Variants in CA10 observed in about 807,000 individuals in gnomAD.
The protein encoded by CA10 is carbonic anhydrase 10 (inactive).
In CA10, 14 loss-of-function variants were observed where a neutral mutation model predicts 44.2. The ratio of observed to expected loss-of-function variants is 0.32; its 90% confidence interval spans 0.21 to 0.50. The LOEUF is 0.50. Among genes scored for constraint, CA10 ranks in the 20% least tolerant of loss-of-function variants. The probability of loss-of-function intolerance (pLI) is 0.99; values close to 1 mark genes in which losing one functional copy is unlikely to be tolerated. For synonymous variants in CA10, 159 were observed against 141.6 expected (o/e 1.12, Z -0.87); for missense variants, 350 against 409.7 (o/e 0.85, Z 1.26).
At chr17:51,877,984 A>G in intron 3 of CA10, among the ~76,000 whole-genome samples, 1 of 151,736 alleles carries the variant, frequency 6.6e-6, no homozygotes, top group East Asian at 1.9e-4. Context: ...CTCTACTAAA[A>G]ATACAAAAAA....
intron 1 of CA10, among the ~76,000 whole-genome samples, chr17:52,092,405 A>C (rs1376267493): frequency 2.0e-5 from 3 of 152,206 alleles, no homozygotes; most frequent in African/African-American, 7.2e-5. Flanking sequence ...CTTACAGAAG[A>C]ATTTTGTCCA....
At chr17:51,892,430 A>G (rs1980898592) in intron 3 of CA10, among the ~76,000 whole-genome samples, 1 of 152,190 alleles carries the variant, frequency 6.6e-6, no homozygotes. Flanking sequence ...TAATAAAAGG[A>G]AATAATGAGA....
At chr17:51,864,798 G>T (rs1979471737) in intron 3 of CA10, among the ~76,000 whole-genome samples, 1 of 152,142 alleles carries the variant, frequency 6.6e-6, no homozygotes, top group Non-Finnish European at 1.5e-5. Flanking sequence ...TAAACAACAT[G>T]CAGGCTCACA....
At chr17:51,674,878 G>A (rs1161766463) in intron 4 of CA10, among the ~76,000 whole-genome samples, 1 of 152,152 alleles carries the variant, frequency 6.6e-6, no homozygotes, top group African/African-American at 2.4e-5. Context: ...TCCTTTGTGC[G>A]TGTATTGTGA....
chr17:51,949,756 C>T (rs999515979), intron 2 of CA10, among the ~76,000 whole-genome samples: 1 of 152,058 alleles, frequency 6.6e-6, no homozygotes, highest in African/African-American at 2.4e-5. Context: ...GGGTGATGTT[C>T]CATAGAGGAA....
chr17:52,157,837 G>C lies in CA10; in HGVS notation c.-51C>G, dbSNP rs763876734. ...CACTCGACGGGAAAACGGGGGGAAG[G>C]GGGGAGCCCGACACGGCACACACAC... On this transcript the variant is annotated 5_prime_UTR_variant, in exon 1 of 9. Transcript: ENST00000451037. The C allele has an allele frequency of 3.4e-6, 5 of 1,465,680 alleles. No homozygotes were observed. Among genetic ancestry groups the C allele is most frequent in the Non-Finnish European group, 4.8e-6 (5 of 1,044,636 alleles). 90.8% of individuals were successfully genotyped at this position (1,465,680 alleles called of 1,614,324 possible).
At chr17:51,954,290 C>T (rs901609694) in intron 2 of CA10, among the ~76,000 whole-genome samples, 1 of 152,130 alleles carries the variant, frequency 6.6e-6, no homozygotes, top group Non-Finnish European at 1.5e-5. Context: ...TTAAACTAAA[C>T]ATTAAAAAAG....
intron 1 of CA10, among the ~76,000 whole-genome samples, chr17:52,078,727 T>C (rs1345921956): frequency 6.6e-6 from 1 of 152,192 alleles, no homozygotes; most frequent in Admixed American, 6.5e-5. Flanking sequence ...GCAGGAACAT[T>C]GAGAAGTGCA....
chr17:51,837,210 T>C (rs560324456), intron 3 of CA10, among the ~76,000 whole-genome samples: 3 of 152,202 alleles, frequency 2.0e-5, no homozygotes, highest in African/African-American at 4.8e-5. Flanking sequence ...AAGGAAGAGA[T>C]CCTGAAGGCA....
At chr17:51,719,017 C>T (rs954337649) in intron 4 of CA10, among the ~76,000 whole-genome samples, 1 of 152,182 alleles carries the variant, frequency 6.6e-6, no homozygotes, top group Non-Finnish European at 1.5e-5. Context: ...TCACACTTTC[C>T]TCTGACCTCA....
At chr17:51,915,574 A>G (rs968376354) in intron 3 of CA10, among the ~76,000 whole-genome samples, 6 of 152,186 alleles carry the variant, frequency 3.9e-5, no homozygotes, top group Admixed American at 2.0e-4. Flanking sequence ...ACTTATTTAT[A>G]TATTATCTGT....
rs569129451 is a variant in CA10 at position 51,949,648 on chromosome 17, T to C, written c.137-18516A>G. Among the ~76,000 whole-genome samples the C allele has an allele frequency of 2.6e-5, 4 of 152,288 alleles. No homozygotes were observed. The East Asian group carries it at 7.7e-4, about 29-fold the overall frequency. ...AGCGTGTAAGCCAACGCAGAACTCCTTATTAAGACAGTTGGCCCTCAGAGT... is the reference window on the plus strand; with the variant it reads ...AGCGTGTAAGCCAACGCAGAACTCCCTATTAAGACAGTTGGCCCTCAGAGT... On this transcript the variant is annotated intron_variant, in intron 2 of 8. Coordinates refer to ENST00000451037, the MANE Select transcript of CA10 (RefSeq NM_020178.5).
At chr17:51,891,274 G>A (rs1018869387) in intron 3 of CA10, among the ~76,000 whole-genome samples, 7 of 152,130 alleles carry the variant, frequency 4.6e-5, no homozygotes, top group African/African-American at 1.7e-4. Flanking sequence ...AATGCACAAA[G>A]GGAGAGATGA....
chr17:52,124,902 C>T (rs2045731722), intron 1 of CA10, among the ~76,000 whole-genome samples: 1 of 152,236 alleles, frequency 6.6e-6, no homozygotes, highest in African/African-American at 2.4e-5. Flanking sequence ...TATCTTTCTA[C>T]ATGGCAGTCA....
chr17:51,759,127 C>A lies in CA10; in HGVS notation c.280-11309G>T, dbSNP rs147641814. 3.1e-3 allele frequency among the ~76,000 whole-genome samples: 479 copies of A among 152,220 alleles called. 2 individuals carry two copies. The highest frequency in any genetic ancestry group is 0.011 in the African/African-American group (444 of 41,528). On this transcript the variant is annotated intron_variant, in intron 3 of 8. Coordinates refer to ENST00000451037, the MANE Select transcript of CA10 (RefSeq NM_020178.5). ...GAGAGCCTGGAGAGTTCTTGTCAAG[C>A]CCCTCATTGTTGGTTGTCTGGATCA... is the stretch of plus-strand genomic sequence containing the variant.
intron 2 of CA10, among the ~76,000 whole-genome samples, chr17:52,053,027 G>T (rs1271844289): frequency 6.6e-6 from 1 of 151,834 alleles, no homozygotes; most frequent in Non-Finnish European, 1.5e-5. Context: ...CCAAACCAAG[G>T]TAACTTCAGA....
intron 4 of CA10, among the ~76,000 whole-genome samples, chr17:51,731,017 G>A (rs185287334): frequency 5.9e-5 from 9 of 152,324 alleles, no homozygotes; most frequent in African/African-American, 2.2e-4. Flanking sequence ...CTGACTGGGT[G>A]TGGATGACAG....
chr17:51,692,237 T>G (rs1345988532), intron 4 of CA10, among the ~76,000 whole-genome samples: 27 of 8,112 alleles, frequency 3.3e-3, no homozygotes, highest in African/African-American at 0.01. Context: ...ATTCTTAGGG[T>G]TTTTTTTTTT....
At chr17:52,017,928 T>C (rs1339848968) in intron 2 of CA10, among the ~76,000 whole-genome samples, 2 of 152,132 alleles carry the variant, frequency 1.3e-5, no homozygotes, top group African/African-American at 4.8e-5. Flanking sequence ...TGCTCCCCAC[T>C]TCCTGGCTGC....
Sources: gnomAD v4.1 joint callset for allele counts (sites outside exome capture counted in the v4.1 genomes callset) on GRCh38, gnomAD v4.1.1 for gene constraint, MANE v1.5 for transcripts, NCBI Gene and HGNC (gene_info 2026-07-23, HGNC 2026-07-21) for gene names.